The following NOTCH3 variants were observed in gnomAD, a reference collection of about 807,000 sequenced individuals.
The protein encoded by NOTCH3 is notch receptor 3, also known as neurogenic locus notch homolog protein 3.
A neutral mutation model predicts 213.3 loss-of-function variants in NOTCH3; 86 were observed. The ratio of observed to expected loss-of-function variants is 0.40; its 90% CI spans 0.34 to 0.48. NOTCH3 has a LOEUF of 0.48. NOTCH3 is among the 20% of genes least tolerant of loss of function. The probability of loss-of-function intolerance (pLI) is 0.57; values close to 1 mark genes in which losing one functional copy is unlikely to be tolerated. For missense variants in NOTCH3, 2,783 were observed against 3,272.6 expected (o/e 0.85, Z 3.65); for synonymous variants, 1,354 against 1,355.9 (o/e 1.00, Z 0.03).
rs143939165 is a variant in NOTCH3 at position 15,167,291 on chromosome 19, C to T, written c.5320G>A (p.Asp1774Asn). Reference protein sequence around the residue: ...PAMALTPPQGDADADGMDVNV... With the variant: ...PAMALTPPQGNADADGMDVNV... ...ACATCCATGCCATCAGCATCTGCGT[C>T]GCCCTGTGGTGGTGTCAGTGCCATG... is the stretch of plus-strand genomic sequence containing the variant. The change falls in exon 29 of 33, where the codon GAC (aspartate) becomes AAC (asparagine). Residue 1774 changes from aspartate (D) to asparagine (N), a missense_variant. Around this residue, in one of 6 missense-constraint regions of NOTCH3, gnomAD observed 636 missense variants for 801.8 expected, o/e 0.79. Transcript: ENST00000263388. 11 of 1,613,476 alleles carry T rather than the reference C, an allele frequency of 6.8e-6. No homozygotes were observed. The highest frequency in any genetic ancestry group is 4.5e-5 in the East Asian group (2 of 44,878).
chr19:15,182,461 C>T (rs992376848), intron 16 of NOTCH3, among the ~76,000 whole-genome samples: 2 of 150,790 alleles, frequency 1.3e-5, no homozygotes, highest in Admixed American at 6.6e-5. Flanking sequence ...GAGTCATGAT[C>T]GCACCACTGC....
At chr19:15,182,009 G>A (rs1053378423) in intron 16 of NOTCH3, among the ~76,000 whole-genome samples, 5 of 152,216 alleles carry the variant, frequency 3.3e-5, no homozygotes, top group African/African-American at 1.2e-4. Flanking sequence ...GCAAGGGCAG[G>A]ATGTTGGGAA....
rs781429334 is a variant in NOTCH3, at chr19:15,181,169, CG to C, written c.2793-8del. ...CCCGCCATTGAAGCAGGAGCTGGAGCGGAAGGAGTGGGAGGGAGGATCAGGC... is the reference window on the plus strand; with the variant it reads ...CCCGCCATTGAAGCAGGAGCTGGAGCGAAGGAGTGGGAGGGAGGATCAGGC... On this transcript the variant is annotated splice_polypyrimidine_tract_variant and splice_region_variant and intron_variant, in intron 17 of 32. Coordinates refer to ENST00000263388, the MANE Select transcript of NOTCH3 (RefSeq NM_000435.3). 6.2e-7 allele frequency: 1 copy of C among 1,609,688 alleles called. No individual in the cohort carries two copies. Among genetic ancestry groups the C allele is most frequent in the Non-Finnish European group, 8.5e-7 (1 of 1,178,672 alleles).
chr19:15,197,382 A>G, intron 2 of NOTCH3, 118 bp downstream of exon 2: 4 of 933,974 alleles, frequency 4.3e-6, no homozygotes, highest in East Asian at 2.6e-5. Context: ...AGCCACACAC[A>G]TGTAGGAAGT....
In NOTCH3 at chr19:15,187,364, C is replaced by T. The variant is rs375945099; in HGVS notation, c.1607-26G>A. On this transcript the variant is annotated intron_variant, in intron 10 of 32. Coordinates refer to ENST00000263388, the MANE Select transcript of NOTCH3 (RefSeq NM_000435.3). ...CTGTGGGGCCAAGAGGGTCAGGCTC[C>T]GCCCACTTGCCAGGGGCCTGCCCAC... 79 of 1,600,354 alleles carry T rather than the reference C, an allele frequency of 4.9e-5. 1 individual carries two copies. The East Asian group carries it at 1.0e-3, about 20-fold the overall frequency.
intron 32 of NOTCH3, 124 bp from the exon 33 acceptor site, chr19:15,161,838 A>G: frequency 1.3e-6 from 1 of 799,012 alleles, no homozygotes; most frequent in Non-Finnish European, 2.0e-6. Flanking sequence ...CCTGGGTTAA[A>G]TCCCGGCTGT....
chr19:15,188,237 G>A lies in NOTCH3; in HGVS notation c.1490C>T (p.Ser497Leu), dbSNP rs114207045. 5.3e-3 allele frequency: 8,392 copies of A among 1,593,160 alleles called. 43 individuals are homozygous for A. Among genetic ancestry groups the A allele is most frequent in the Middle Eastern group, 0.015 (89 of 6,038 alleles). Residue 497 changes from serine (S) to leucine (L), a missense_variant and splice_region_variant, in exon 9 of 33, where the codon TCG becomes TTG. Physicochemically the swap from Ser to Leu is moderately radical, Grantham distance 145. Coordinates refer to ENST00000263388, the MANE Select transcript of NOTCH3 (RefSeq NM_000435.3). ...GCTCCCTCTCCTGAGGTCCTCACCC[G>A]AGGGGCAGGTGCAGCTGAAGCCATT... ...RVNGFSCTCP[S>L]GFSGSTCQLD...
Position 15,161,533 on chromosome 19 carries a change from C to T in NOTCH3, c.6095G>A (p.Ser2032Asn). Reference protein sequence around the residue: ...RLLDQPSGPRSPPGPHGLGPL... With the variant: ...RLLDQPSGPRNPPGPHGLGPL... ...CCCCAGGCCGTGGGGACCGGGGGGG[C>T]TGCGGGGCCCACTGGGTTGATCCAG... is the stretch of plus-strand genomic sequence containing the variant. The change falls in exon 33 of 33, where the codon AGC (serine) becomes AAC (asparagine). Residue 2032 changes from serine to asparagine, a missense_variant. Ser to Asn is a conservative substitution (Grantham distance 46). Around this residue, in one of 6 missense-constraint regions of NOTCH3, gnomAD observed 441 missense variants for 432.1 expected, o/e 1.02. Transcript: ENST00000263388. 1 of 1,602,970 alleles carries T rather than the reference C, an allele frequency of 6.2e-7. No homozygotes were observed. The highest frequency in any genetic ancestry group is 8.5e-7 in the Non-Finnish European group (1 of 1,175,058).
At chr19:15,180,382 G>A (rs1455097876) in intron 19 of NOTCH3, 126 bp from the exon 20 acceptor site, 6 of 1,075,836 alleles carry the variant, frequency 5.6e-6, no homozygotes, top group Non-Finnish European at 8.3e-6. Context: ...ACTCCATCAG[G>A]TTGTCACACA....
chr19:15,188,141 G>T, intron 9 of NOTCH3, 94 bp downstream of exon 9: 1 of 1,084,582 alleles, frequency 9.2e-7, no homozygotes, highest in Non-Finnish European at 1.4e-6. Flanking sequence ...TCTATTGTAA[G>T]TTATCCGCTA....
chr19:15,166,414 C>T (rs2046686320), intron 29 of NOTCH3, among the ~76,000 whole-genome samples: 1 of 152,144 alleles, frequency 6.6e-6, no homozygotes, highest in Non-Finnish European at 1.5e-5. Context: ...GAGTTCTAAT[C>T]CAACTCAAGG....
At position 15,188,262 on chromosome 19, in the gene NOTCH3, T is replaced by G; in HGVS notation, c.1465A>C (p.Asn489His). Reference protein sequence around the residue: ...VNGGVCKDRVNGFSCTCPSGF... With the variant: ...VNGGVCKDRVHGFSCTCPSGF... Reference sequence around the variant, plus strand: ...GAGGGGCAGGTGCAGCTGAAGCCATTGACTCGGTCCTTGCAGACCCCACCG... The same window carrying G: ...GAGGGGCAGGTGCAGCTGAAGCCATGGACTCGGTCCTTGCAGACCCCACCG... Residue 489 changes from asparagine (N) to histidine (H), a missense_variant, in exon 9 of 33, where the codon AAT becomes CAT. Transcript: ENST00000263388. The G allele has an allele frequency of 6.2e-7, 1 of 1,601,806 alleles. No individual in the cohort carries two copies. The highest frequency in any genetic ancestry group is 8.5e-7 in the Non-Finnish European group (1 of 1,173,764).
chr19:15,185,429 G>A lies in NOTCH3; in HGVS notation c.2145-21C>T, dbSNP rs2145429804. ...GGAACCTGGCAGGGGAAGGTAGTCA[G>A]GCCAGGGAGGTGGGCCAGGGAGAGG... is the stretch of plus-strand genomic sequence containing the variant. On this transcript the variant is annotated intron_variant, in intron 13 of 32. Transcript: ENST00000263388. This position sits in a 1 kb window ranked among gnomAD's most constrained non-coding sequence, Gnocchi z 4.2. 1 of 1,611,928 alleles carries A rather than the reference G, an allele frequency of 6.2e-7. No homozygotes were observed.
rs372100017 is a variant in NOTCH3 at position 15,187,097 on chromosome 19, G to A, written c.1840+8C>T. On this transcript the variant is annotated splice_region_variant and intron_variant, in intron 11 of 32. Coordinates refer to ENST00000263388, the MANE Select transcript of NOTCH3 (RefSeq NM_000435.3). ...GTGTGCTGTTTCTGCCCCAGCCCCC[G>A]GTCCCACCTGTGGTCCCAGAAGGGC... 293 of 1,612,346 alleles carry A rather than the reference G, an allele frequency of 1.8e-4. No individual in the cohort carries two copies. The highest frequency in any genetic ancestry group is 2.3e-4 in the Non-Finnish European group (271 of 1,179,174).
In NOTCH3 at chr19:15,197,553, C is replaced by A; in HGVS notation, c.144G>T (p.Pro48=). The A allele has an allele frequency of 6.2e-7, 1 of 1,611,342 alleles. No individual in the cohort carries two copies. The highest frequency in any genetic ancestry group is 8.5e-7 in the Non-Finnish European group (1 of 1,179,620). Residue 48 remains proline, a synonymous_variant, in exon 2 of 33, where the codon CCG becomes CCT. Coordinates refer to ENST00000263388, the MANE Select transcript of NOTCH3 (RefSeq NM_000435.3). ...GGGTGCAACGACCTCCATTTGCACA[C>A]GGGCTTCCGTCCAGGCAAGGGGGGG... ...AAAPPCLDGS[P]CANGGRCTQL...
rs78501403 is a variant in NOTCH3 at position 15,174,125 on chromosome 19, C to T, written c.4679G>A (p.Arg1560Gln). 7 of 1,603,994 alleles carry T rather than the reference C, an allele frequency of 4.4e-6. No individual in the cohort carries two copies. In the African/African-American group the frequency reaches 6.7e-5, roughly 15 times the overall value. ...HGQAMVFPYH[R>Q]PSPGSEPRAR... ...CCGGGGTTCGGAGCCAGGACTAGGC[C>T]GGTGGTAAGGGAAGACCATGGCCTG... Residue 1560 changes from arginine (R) to glutamine (Q), a missense_variant, in exon 25 of 33, where the codon CGG (arginine) becomes CAG (glutamine). By Grantham distance (43) the Arg-to-Gln change is conservative. Coordinates refer to ENST00000263388, the MANE Select transcript of NOTCH3 (RefSeq NM_000435.3).
Position 15,165,321 on chromosome 19 carries a change from C to G in NOTCH3, c.5815+47G>C. The G allele has an allele frequency of 6.3e-7, 1 of 1,589,202 alleles. No individual in the cohort carries two copies. Among genetic ancestry groups the G allele is most frequent in the South Asian group, 1.1e-5 (1 of 90,844 alleles). On this transcript the variant is annotated intron_variant, in intron 31 of 32. Coordinates refer to ENST00000263388, the MANE Select transcript of NOTCH3 (RefSeq NM_000435.3). This position sits in a 1 kb window ranked among gnomAD's most constrained non-coding sequence, Gnocchi z 4.7. ...TTTGCACCAACATGACCCTCAGGGC[C>G]CAGGTGACACCAACCCAGCTTAGAC...
At position 15,180,806 on chromosome 19, in the gene NOTCH3, C is replaced by A. The variant is rs150941674; in HGVS notation, c.3017G>T (p.Arg1006Leu). ...GCGACCCCCGTTTTGACAAGGCTGG[C>A]GGCTGCACCAATCCACCAGCGTCTG... Reference protein sequence around the residue: ...QCQTLVDWCSRQPCQNGGRCV... With the variant: ...QCQTLVDWCSLQPCQNGGRCV... The change falls in exon 19 of 33, where the codon CGC becomes CTC. Residue 1006 changes from arginine to leucine, a missense_variant. Arg to Leu is a moderately radical substitution (Grantham distance 102). Around this residue, in one of 6 missense-constraint regions of NOTCH3, gnomAD observed 861 missense variants for 909.1 expected, o/e 0.95. Transcript: ENST00000263388. The A allele has an allele frequency of 6.2e-7, 1 of 1,611,606 alleles. No homozygotes were observed.
In NOTCH3 at chr19:15,189,445, A is replaced by C. The variant is rs751878059; in HGVS notation, c.1037-17T>G. ...ACAGGAGGCCTGGGAAGTGGTAAGC[A>C]GAAGTCATAGGCAGATCTTCCTGCT... On this transcript the variant is annotated splice_polypyrimidine_tract_variant and intron_variant, in intron 6 of 32. Coordinates refer to ENST00000263388, the MANE Select transcript of NOTCH3 (RefSeq NM_000435.3). 6.2e-7 allele frequency: 1 copy of C among 1,613,432 alleles called. No homozygotes were observed. Among genetic ancestry groups the C allele is most frequent in the South Asian group, 1.1e-5 (1 of 91,084 alleles).
Sources: gnomAD v4.1 joint callset for allele counts (sites outside exome capture counted in the v4.1 genomes callset) on GRCh38, gnomAD v4.1.1 for gene constraint, gnomAD v4.1.1 regional missense constraint, Gnocchi (gnomAD v3.1) non-coding constraint, MANE v1.5 for transcripts, NCBI Gene and HGNC (gene_info 2026-07-23, HGNC 2026-07-21) for gene names.